Variants in AACS observed in about 807,000 individuals in gnomAD.
The protein encoded by AACS is acetoacetate-CoA ligase.
Under a neutral mutation model 83.1 loss-of-function variants are expected in AACS, and 69 were observed. That is an observed-to-expected ratio of 0.83 (90% CI 0.68 to 1.01). The LOEUF is 1.01. Ranked by LOEUF, AACS falls within the 50% of genes least tolerant of loss-of-function variation. The probability of loss-of-function intolerance (pLI) is 0.00; values close to 1 mark genes in which losing one functional copy is unlikely to be tolerated. For synonymous variants in AACS, 333 were observed against 343.4 expected, an observed-to-expected ratio of 0.97 and a Z score of 0.33; for missense variants, 866 against 882.2, an observed-to-expected ratio of 0.98 and a Z score of 0.23.
chr12:125,141,553 TGGGCGTGGTGGCA>T (rs1201299305), intron 17 of AACS: 1 of 152,528 alleles, frequency 6.6e-6, no homozygotes, highest in African/African-American at 2.4e-5. Context: ...AAAAATTAGC[TGGGCGTGGTGGCA>T]GGTGCCTATG....
chr12:125,134,353 A>G (rs1397051430), intron 15 of AACS, among the ~76,000 whole-genome samples: 4 of 152,204 alleles, frequency 2.6e-5, no homozygotes, highest in Non-Finnish European at 5.9e-5. Context: ...CTCAGTCTGC[A>G]ACATGGCTGA....
chr12:125,120,754 G>A (rs1225911950), intron 10 of AACS: 2 of 152,196 alleles, frequency 1.3e-5, no homozygotes, highest in African/African-American at 4.8e-5. Context: ...TGTGTGCATG[G>A]GTGTGAGTCT....
Position 125,076,612 on chromosome 12 carries a change from G to A in AACS, c.358+1G>A, listed in dbSNP as rs1227464789. 2.5e-6 allele frequency: 4 copies of A among 1,613,992 alleles called. No homozygotes were observed. Among genetic ancestry groups the A allele is most frequent in the Non-Finnish European group, 3.4e-6 (4 of 1,179,926 alleles). On this transcript the variant is annotated splice_donor_variant, in intron 3 of 17. Coordinates refer to ENST00000316519, the MANE Select transcript of AACS (RefSeq NM_023928.5). LOFTEE classifies it high-confidence loss of function. Reference sequence around the variant, plus strand: ...GACAGAGTTGCCCTTTACATTGCAAGTAAGTCCTGATGGCGAGACCTGGGA... The same window carrying A: ...GACAGAGTTGCCCTTTACATTGCAAATAAGTCCTGATGGCGAGACCTGGGA...
chr12:125,102,616 C>G (rs957892618), intron 5 of AACS, 63 bp from the exon 6 acceptor site: 2 of 1,437,024 alleles, frequency 1.4e-6, no homozygotes, highest in Admixed American at 3.4e-5. Flanking sequence ...AGGCACCCAC[C>G]ACCATGCCTG....
In AACS at chr12:125,124,942, C is replaced by T; in HGVS notation, c.1227C>T (p.Ser409=). The change falls in exon 12 of 18, where the codon TCC becomes TCT. Residue 409 remains serine (S), a synonymous_variant. Coordinates refer to ENST00000316519, the MANE Select transcript of AACS (RefSeq NM_023928.5). ...TCCAGATGCTCCACACGATCCTGTC[C>T]ACTGGCTCCCCACTGAAAGCCCAGA... The part of the protein sequence containing the change: ...HSLQMLHTIL[S]TGSPLKAQSY... 4 of 1,614,230 alleles carry T rather than the reference C, an allele frequency of 2.5e-6. No homozygotes were observed. Among genetic ancestry groups the T allele is most frequent in the Non-Finnish European group, 3.4e-6 (4 of 1,180,052 alleles).
At position 125,118,699 on chromosome 12, in the gene AACS, T is replaced by A; in HGVS notation, c.1055T>A (p.Val352Asp). ...CTTCTGGCCACAGGAGCGGCCATGGTCTTGTACGATGGCTCCCCCCTGGTG... is the reference window on the plus strand; with the variant it reads ...CTTCTGGCCACAGGAGCGGCCATGGACTTGTACGATGGCTCCCCCCTGGTG... ...VSLLATGAAM[V>D]LYDGSPLVPT... Residue 352 changes from valine (V) to aspartate (D), a missense_variant, in exon 10 of 18, where the codon GTC (valine) becomes GAC (aspartate). Val to Asp is a radical substitution (Grantham distance 152). Coordinates refer to ENST00000316519, the MANE Select transcript of AACS (RefSeq NM_023928.5). 2 of 1,614,084 alleles carry A rather than the reference T, an allele frequency of 1.2e-6. No individual in the cohort carries two copies. The highest frequency in any genetic ancestry group is 1.7e-6 in the Non-Finnish European group (2 of 1,179,980).
chr12:125,094,168 G>A lies in AACS; in HGVS notation c.570+2645G>A, dbSNP rs903381110. On this transcript the variant is annotated intron_variant, in intron 5 of 17. Coordinates refer to ENST00000316519, the MANE Select transcript of AACS (RefSeq NM_023928.5). The surrounding 1 kb of genome is among the most constrained non-coding windows in gnomAD (Gnocchi z 4.1). Reference sequence around the variant, plus strand: ...CAAGGCTGATGGGTTCTGGGCTCGTGGACAGTTCCTGCATCGGTTTGCAGA... The same window carrying A: ...CAAGGCTGATGGGTTCTGGGCTCGTAGACAGTTCCTGCATCGGTTTGCAGA... Among the ~76,000 whole-genome samples, 1 of 152,158 alleles carries A rather than the reference G, an allele frequency of 6.6e-6. No homozygotes were observed. The highest frequency in any genetic ancestry group is 2.4e-5 in the African/African-American group (1 of 41,426).
At position 125,114,482 on chromosome 12, in the gene AACS, C is replaced by T. The variant is rs1957014918; in HGVS notation, c.921C>T (p.Thr307=). ...CCCCCGTGTCTCCCCTGCAGGGCACCCTCATCCAGCATCTGAAGGAGCACC... is the reference window on the plus strand; with the variant it reads ...CCCCCGTGTCTCCCCTGCAGGGCACTCTCATCCAGCATCTGAAGGAGCACC... ...PKCMVHSAGG[T]LIQHLKEHLL... is the part of the protein sequence containing the mutation. Residue 307 remains threonine (T), a synonymous_variant, in exon 9 of 18, where the codon ACC becomes ACT. Transcript: ENST00000316519. The T allele has an allele frequency of 1.2e-6, 2 of 1,612,922 alleles. No homozygotes were observed. Among genetic ancestry groups the T allele is most frequent in the Non-Finnish European group, 1.7e-6 (2 of 1,179,582 alleles).
Position 125,095,764 on chromosome 12 carries a change from G to A in AACS, c.570+4241G>A, listed in dbSNP as rs1388789574. On this transcript the variant is annotated intron_variant, in intron 5 of 17. Transcript: ENST00000316519. ...AGTCTGCTGCAGTATCTTAGCACCC[G>A]AATCTGTTCTGCTGTTTTGATTTTC... Among the ~76,000 whole-genome samples, 4 of 152,194 alleles carry A rather than the reference G, an allele frequency of 2.6e-5. 1 individual carries two copies. The highest frequency in any genetic ancestry group is 4.1e-4 in the South Asian group (2 of 4,832).
chr12:125,076,792 A>C (rs759470993), intron 3 of AACS, among the ~76,000 whole-genome samples, 181 bp downstream of exon 3: 3 of 152,238 alleles, frequency 2.0e-5, no homozygotes, highest in Non-Finnish European at 2.9e-5. Context: ...GTGTGTGGTC[A>C]TGCTTTATGG....
intron 3 of AACS, among the ~76,000 whole-genome samples, chr12:125,081,157 A>G (rs190712382): frequency 6.4e-4 from 97 of 151,656 alleles, no homozygotes; most frequent in African/African-American, 2.2e-3. Flanking sequence ...CACACTGGCT[A>G]ATTTTTGTAT....
chr12:125,110,278 G>C (rs1165650818), intron 8 of AACS, among the ~76,000 whole-genome samples: 1 of 149,892 alleles, frequency 6.7e-6, no homozygotes, highest in African/African-American at 2.5e-5. Context: ...TCACTATGTT[G>C]GCCAGGCTGG....
rs181059565 is a variant in AACS, at chr12:125,124,921, G to C, written c.1206G>C (p.Gln402His). ...CCCCAGTGGAAACCCACAGTCTCCAGATGCTCCACACGATCCTGTCCACTG... is the reference window on the plus strand; with the variant it reads ...CCCCAGTGGAAACCCACAGTCTCCACATGCTCCACACGATCCTGTCCACTG... ...AMKPVETHSLQMLHTILSTGS... is the reference protein window; with the variant it reads ...AMKPVETHSLHMLHTILSTGS... The change falls in exon 12 of 18, where the codon CAG becomes CAC. Residue 402 changes from glutamine to histidine, a missense_variant. By Grantham distance (24) the Gln-to-His change is conservative. Coordinates refer to ENST00000316519, the MANE Select transcript of AACS (RefSeq NM_023928.5). The C allele has an allele frequency of 2.6e-5, 42 of 1,614,212 alleles. No individual in the cohort carries two copies. Among genetic ancestry groups the C allele is most frequent in the Admixed American group, 1.8e-4 (11 of 60,020 alleles).
intron 14 of AACS, among the ~76,000 whole-genome samples, chr12:125,132,823 G>T (rs1199405438): frequency 6.6e-6 from 1 of 152,158 alleles, no homozygotes; most frequent in African/African-American, 2.4e-5. Flanking sequence ...GTGGCTTGTG[G>T]CAGTGTCTGC....
At chr12:125,122,792 T>C (rs986159265) in intron 10 of AACS, 2 of 152,184 alleles carry the variant, frequency 1.3e-5, no homozygotes, top group Non-Finnish European at 2.9e-5. Context: ...TGATCCACAC[T>C]TCCCTCCGAA....
intron 6 of AACS, 97 bp from the exon 7 acceptor site, chr12:125,102,903 C>T: frequency 2.1e-6 from 3 of 1,435,950 alleles, no homozygotes; most frequent in Non-Finnish European, 2.9e-6. Context: ...GTGTTATATT[C>T]TCTGCCCCAG....
chr12:125,075,346 G>A lies in AACS; in HGVS notation c.238-1145G>A, dbSNP rs112729647. ...ACCGAGTCTCGCTTTTGTCACCCAG[G>A]CTGGAGTGCATCTCGGCTCACTGCA... is the stretch of plus-strand genomic sequence containing the variant. On this transcript the variant is annotated intron_variant, in intron 2 of 17. Coordinates refer to ENST00000316519, the MANE Select transcript of AACS (RefSeq NM_023928.5). Among the ~76,000 whole-genome samples the A allele has an allele frequency of 6.1e-3, 916 of 150,092 alleles. 17 individuals are homozygous for A. The highest frequency in any genetic ancestry group is 0.022 in the African/African-American group (881 of 40,662).
intron 4 of AACS, among the ~76,000 whole-genome samples, chr12:125,089,125 C>T (rs1179082561): frequency 6.6e-6 from 1 of 152,182 alleles, no homozygotes; most frequent in Non-Finnish European, 1.5e-5. Flanking sequence ...CTGCCCTGAC[C>T]CTGGGGGTGA....
chr12:125,118,447 T>C, intron 9 of AACS, 194 bp from the exon 10 acceptor site: 1 of 644,002 alleles, frequency 1.6e-6, no homozygotes, highest in South Asian at 2.0e-5. Context: ...CATGCACATG[T>C]GTGAATATGT....
Sources: gnomAD v4.1 joint callset for allele counts (sites outside exome capture counted in the v4.1 genomes callset) on GRCh38, gnomAD v4.1.1 for gene constraint, Gnocchi (gnomAD v3.1) non-coding constraint, MANE v1.5 for transcripts, NCBI Gene and HGNC (gene_info 2026-07-23, HGNC 2026-07-21) for gene names.